The following TBCE variants were observed in gnomAD, a reference collection of about 807,000 sequenced individuals.
The protein encoded by TBCE is tubulin-specific chaperone E.
TBCE carries 53 observed loss-of-function variants against 77.0 expected under a neutral mutation model. That is an observed-to-expected ratio of 0.69 (90% CI 0.55 to 0.87). The LOEUF is 0.87. Ranked by LOEUF, TBCE falls within the 40% of genes least tolerant of loss-of-function variation. The pLI is 0.00. For synonymous variants in TBCE, 235 were observed against 241.3 expected, an observed-to-expected ratio of 0.97 and a Z score of 0.24; for missense variants, 624 against 622.4, an observed-to-expected ratio of 1.00 and a Z score of -0.03.
intron 2 of TBCE, among the ~76,000 whole-genome samples, chr1:235,394,426 T>G (rs1043873977): frequency 3.8e-5 from 5 of 132,778 alleles, no homozygotes; most frequent in African/African-American, 1.4e-4. Context: ...TTCTTTTTTT[T>G]TTTTTTTTTT....
At chr1:235,388,121 C>T (rs1678137634) in intron 2 of TBCE, among the ~76,000 whole-genome samples, 1 of 152,090 alleles carries the variant, frequency 6.6e-6, no homozygotes, top group South Asian at 2.1e-4. Context: ...TGAAAGCATG[C>T]TCTCAACTTT....
intron 2 of TBCE, among the ~76,000 whole-genome samples, chr1:235,391,037 T>C (rs1466530555): frequency 6.6e-6 from 1 of 152,148 alleles, no homozygotes; most frequent in African/African-American, 2.4e-5. Flanking sequence ...GCGGTGTTCA[T>C]TGCTACTGGG....
At chr1:235,399,835 C>G (rs1212443587) in intron 2 of TBCE, among the ~76,000 whole-genome samples, 1 of 152,050 alleles carries the variant, frequency 6.6e-6, no homozygotes, top group African/African-American at 2.4e-5. Context: ...GACACTATGT[C>G]CAGTCAGATA....
At chr1:235,426,886 T>TCC (rs898144824) in intron 5 of TBCE, among the ~76,000 whole-genome samples, 3 of 152,126 alleles carry the variant, frequency 2.0e-5, no homozygotes, top group African/African-American at 7.2e-5. Flanking sequence ...CTCAAGTGAT[T>TCC]CCCCCGACCT....
intron 5 of TBCE, among the ~76,000 whole-genome samples, chr1:235,421,216 T>G (rs1284578741): frequency 6.6e-6 from 1 of 152,010 alleles, no homozygotes; most frequent in Non-Finnish European, 1.5e-5. Flanking sequence ...AGACCAGCCT[T>G]GGCAACATTG....
chr1:235,440,025 C>A (rs1333640446), intron 13 of TBCE, among the ~76,000 whole-genome samples: 1 of 151,962 alleles, frequency 6.6e-6, no homozygotes, highest in African/African-American at 2.4e-5. Context: ...GGCTGGAGTG[C>A]AGTGCCGCGA....
intron 2 of TBCE, among the ~76,000 whole-genome samples, chr1:235,388,903 C>G (rs992304802): frequency 2.6e-5 from 4 of 152,142 alleles, no homozygotes; most frequent in Admixed American, 1.3e-4. Flanking sequence ...GATAGAGTGG[C>G]CTTTCAGAGT....
At chr1:235,448,250 A>G in intron 15 of TBCE, 99 bp from the exon 16 acceptor site, 2 of 877,516 alleles carry the variant, frequency 2.3e-6, no homozygotes, top group Middle Eastern at 4.3e-4. Flanking sequence ...AGACAGATAC[A>G]GCTATCATTG....
intron 12 of TBCE, among the ~76,000 whole-genome samples, chr1:235,438,299 G>A (rs764184559): frequency 6.6e-6 from 1 of 152,224 alleles, no homozygotes; most frequent in Non-Finnish European, 1.5e-5. Flanking sequence ...TGTAATCCCA[G>A]CACTTTGGGA....
chr1:235,388,838 G>C (rs1346059157), intron 2 of TBCE, among the ~76,000 whole-genome samples: 4 of 152,210 alleles, frequency 2.6e-5, no homozygotes, highest in Non-Finnish European at 5.9e-5. Context: ...GGGCTAAGCT[G>C]GGCTATGGTA....
chr1:235,405,872 C>T (rs1679394111), intron 3 of TBCE, among the ~76,000 whole-genome samples: 1 of 152,124 alleles, frequency 6.6e-6, no homozygotes, highest in African/African-American at 2.4e-5. Flanking sequence ...GCTACAGCTT[C>T]ACTAGGAGAT....
intron 4 of TBCE, among the ~76,000 whole-genome samples, chr1:235,417,687 G>T (rs1419402504): frequency 6.6e-6 from 1 of 152,178 alleles, no homozygotes; most frequent in African/African-American, 2.4e-5. Context: ...CCTAAGGACC[G>T]TGTGGCCTGA....
At chr1:235,437,870 G>A (rs1204482073) in intron 12 of TBCE, among the ~76,000 whole-genome samples, 1 of 151,588 alleles carries the variant, frequency 6.6e-6, no homozygotes, top group African/African-American at 2.4e-5. Flanking sequence ...ATATTGTAAA[G>A]GGGGTGAGAT....
At chr1:235,412,542 C>T (rs1679872989) in intron 3 of TBCE, among the ~76,000 whole-genome samples, 1 of 151,024 alleles carries the variant, frequency 6.6e-6, no homozygotes, top group East Asian at 2.0e-4. Flanking sequence ...AAACTCCTGA[C>T]TTTAGGTGAT....
At chr1:235,378,569 G>A (rs548129335) in intron 1 of TBCE, among the ~76,000 whole-genome samples, 3 of 152,104 alleles carry the variant, frequency 2.0e-5, no homozygotes, top group South Asian at 2.1e-4. Context: ...TATTTAGGCC[G>A]GCCGCGGTGG....
At chr1:235,398,258 A>G (rs1411855992) in intron 2 of TBCE, among the ~76,000 whole-genome samples, 5 of 151,016 alleles carry the variant, frequency 3.3e-5, no homozygotes, top group African/African-American at 1.2e-4. Context: ...CAATTCTCCC[A>G]ACTCAGCCTC....
In TBCE at chr1:235,427,253, G is replaced by A. The variant is rs1680776693; in HGVS notation, c.560+14G>A. ...CCTTAATGTCAGGTATGAACTCTTG[G>A]TTGCTGAATCTTCATTAACAATAAA... On this transcript the variant is annotated intron_variant, in intron 6 of 16. Transcript: ENST00000642610. The A allele has an allele frequency of 1.3e-6, 2 of 1,566,904 alleles. No individual in the cohort carries two copies. Among genetic ancestry groups the A allele is most frequent in the Admixed American group, 3.3e-5 (2 of 59,926 alleles).
At chr1:235,400,787 C>T (rs186991676) in intron 2 of TBCE, among the ~76,000 whole-genome samples, 377 of 151,640 alleles carry the variant, frequency 2.5e-3, no homozygotes, top group African/African-American at 8.9e-3. Context: ...CTCCGCCTCC[C>T]GGGTTCAAGT....
chr1:235,394,698 G>C (rs1678625469), intron 2 of TBCE, among the ~76,000 whole-genome samples: 1 of 151,986 alleles, frequency 6.6e-6, no homozygotes, highest in African/African-American at 2.4e-5. Flanking sequence ...TGGGATTACA[G>C]GTGTGAACCA....
Sources: allele counts gnomAD v4.1 joint callset (sites outside exome capture counted in the v4.1 genomes callset), GRCh38; gene constraint gnomAD v4.1.1; transcripts MANE v1.5; gene names NCBI Gene and HGNC (gene_info 2026-07-23, HGNC 2026-07-21).